Variants in LRRC4C observed in about 807,000 individuals in gnomAD.
LRRC4C encodes the protein leucine rich repeat containing 4C, also known as leucine-rich repeat-containing protein 4C.
Under a neutral mutation model 33.6 loss-of-function variants are expected in LRRC4C, and 5 were observed. The observed-to-expected ratio is 0.15, with a 90% confidence interval of 0.08 to 0.31. The LOEUF is 0.31. Ranked by LOEUF, LRRC4C falls within the 10% of genes least tolerant of loss-of-function variation. LRRC4C has a pLI of 1.00. For synonymous variants in LRRC4C, 329 were observed against 302.0 expected (o/e 1.09, Z -0.93); for missense variants, 560 against 796.7 (o/e 0.70, Z 3.58).
At chr11:40,895,971 A>C (rs572092907) in intron 2 of LRRC4C, among the ~76,000 whole-genome samples, 1 of 152,218 alleles carries the variant, frequency 6.6e-6, no homozygotes, top group East Asian at 1.9e-4. Context: ...GAAAGGCATA[A>C]AATCTCCTGA....
At chr11:40,961,640 A>G (rs1000969171) in intron 1 of LRRC4C, among the ~76,000 whole-genome samples, 1 of 151,716 alleles carries the variant, frequency 6.6e-6, no homozygotes, top group Non-Finnish European at 1.5e-5. Flanking sequence ...AAGGTCTACG[A>G]CAAGAGGAAA....
At chr11:40,534,435 A>C (rs1444267366) in intron 3 of LRRC4C, among the ~76,000 whole-genome samples, 1 of 152,140 alleles carries the variant, frequency 6.6e-6, no homozygotes, top group African/African-American at 2.4e-5. Flanking sequence ...GAAAGTATAG[A>C]GGTTAAGAAT....
intron 1 of LRRC4C, among the ~76,000 whole-genome samples, chr11:41,121,816 G>A (rs1942447089): frequency 1.3e-5 from 2 of 152,052 alleles, no homozygotes; most frequent in Non-Finnish European, 2.9e-5. Flanking sequence ...TGTCAGCTTG[G>A]ATAAAGGAAG....
chr11:41,390,628 C>T (rs1158419508), intron 1 of LRRC4C, among the ~76,000 whole-genome samples: 1 of 151,902 alleles, frequency 6.6e-6, no homozygotes. Flanking sequence ...CCTTAGGTGT[C>T]AAATTCATCA....
At chr11:41,285,785 A>G (rs955523702) in intron 1 of LRRC4C, among the ~76,000 whole-genome samples, 1 of 152,124 alleles carries the variant, frequency 6.6e-6, no homozygotes, top group Admixed American at 6.6e-5. Context: ...TGGTCATTAC[A>G]TGGTCAATCT....
chr11:40,283,509 CAATAAG>C (rs1943623028), intron 4 of LRRC4C, among the ~76,000 whole-genome samples: 1 of 151,710 alleles, frequency 6.6e-6, no homozygotes. Flanking sequence ...TTAATCTTAA[CAATAAG>C]AATATTGGGA....
intron 1 of LRRC4C, among the ~76,000 whole-genome samples, chr11:41,365,464 C>T (rs999907196): frequency 6.6e-6 from 1 of 151,890 alleles, no homozygotes; most frequent in African/African-American, 2.4e-5. Flanking sequence ...CAACAACATC[C>T]CCACCCCTAG....
intron 2 of LRRC4C, among the ~76,000 whole-genome samples, chr11:40,766,328 T>A: frequency 1.3e-5 from 1 of 77,926 alleles, no homozygotes; most frequent in African/African-American, 5.3e-5. Flanking sequence ...CTACAAGAAA[T>A]GCTAAAGGGA....
chr11:40,235,748 A>G (rs955579921), intron 5 of LRRC4C, among the ~76,000 whole-genome samples: 4 of 152,232 alleles, frequency 2.6e-5, no homozygotes, highest in African/African-American at 9.6e-5. Context: ...ATACAAAAGT[A>G]TTAACAGAAA....
chr11:40,421,463 T>C (rs1950522341), intron 3 of LRRC4C, among the ~76,000 whole-genome samples: 1 of 152,206 alleles, frequency 6.6e-6, no homozygotes, highest in African/African-American at 2.4e-5. Context: ...CAGTGCCTGC[T>C]GCCATTTGTA....
At chr11:40,984,180 AAAGGAAGG>A (rs541495827) in intron 1 of LRRC4C, among the ~76,000 whole-genome samples, 1 of 150,350 alleles carries the variant, frequency 6.7e-6, no homozygotes, top group African/African-American at 2.5e-5. Context: ...GAAAGGAAGG[AAAGGAAGG>A]AAGGAAGGTA....
intron 3 of LRRC4C, among the ~76,000 whole-genome samples, chr11:40,471,887 A>T (rs1254328534): frequency 6.6e-6 from 1 of 152,200 alleles, no homozygotes; most frequent in African/African-American, 2.4e-5. Flanking sequence ...CATCGCACTT[A>T]TTCTAAAATT....
At chr11:40,898,961 T>C (rs950199066) in intron 2 of LRRC4C, among the ~76,000 whole-genome samples, 2 of 152,126 alleles carry the variant, frequency 1.3e-5, no homozygotes, top group South Asian at 2.1e-4. Flanking sequence ...TACATTAAAA[T>C]TGAGAATCAA....
At chr11:41,087,279 G>A (rs1210191495) in intron 1 of LRRC4C, among the ~76,000 whole-genome samples, 7 of 152,016 alleles carry the variant, frequency 4.6e-5, no homozygotes, top group African/African-American at 1.7e-4. Flanking sequence ...ATCTGGGCTA[G>A]CTCAATCTCC....
intron 1 of LRRC4C, among the ~76,000 whole-genome samples, chr11:41,232,147 G>A (rs1212999924): frequency 2.0e-5 from 3 of 151,708 alleles, no homozygotes; most frequent in Non-Finnish European, 2.9e-5. Flanking sequence ...TTCTTTTCCA[G>A]GGGAAGTTGA....
intron 2 of LRRC4C, among the ~76,000 whole-genome samples, chr11:40,823,308 T>C (rs1952019914): frequency 6.6e-6 from 1 of 151,410 alleles, no homozygotes; most frequent in Admixed American, 6.6e-5. Flanking sequence ...AAAAGCCCAA[T>C]CAATGAGAGA....
intron 2 of LRRC4C, among the ~76,000 whole-genome samples, chr11:40,730,132 T>A (rs1223013876): frequency 6.6e-6 from 1 of 152,008 alleles, no homozygotes; most frequent in African/African-American, 2.4e-5. Flanking sequence ...GGGATAGCAT[T>A]GGGAGATATA....
chr11:41,215,014 G>GCA, intron 1 of LRRC4C, among the ~76,000 whole-genome samples: 1 of 131,080 alleles, frequency 7.6e-6, no homozygotes, highest in South Asian at 2.5e-4. Flanking sequence ...TTTTATTCAT[G>GCA]TATATATATA....
At chr11:40,670,625 G>A (rs1308142673) in intron 2 of LRRC4C, among the ~76,000 whole-genome samples, 1 of 152,126 alleles carries the variant, frequency 6.6e-6, no homozygotes, top group African/African-American at 2.4e-5. Flanking sequence ...ACCACCAGCA[G>A]CAAAGTTGCT....
Sources: allele counts gnomAD v4.1 joint callset (sites outside exome capture counted in the v4.1 genomes callset), GRCh38; gene constraint gnomAD v4.1.1; transcripts MANE v1.5; gene names NCBI Gene and HGNC (gene_info 2026-07-23, HGNC 2026-07-21).